The following PPL variants were observed in gnomAD, a reference collection of about 807,000 sequenced individuals.
PPL encodes the protein 190 kDa paraneoplastic pemphigus antigen.
A neutral mutation model predicts 194.4 loss-of-function variants in PPL; 198 were observed. That is an observed-to-expected ratio of 1.02 (90% CI 0.91 to 1.15). The LOEUF (loss-of-function observed/expected upper bound fraction) is 1.15. PPL is among the 50% of genes most tolerant of loss of function. The pLI is 0.00. For synonymous variants in PPL, 1,220 were observed against 972.4 expected (o/e 1.25, Z -4.74); for missense variants, 2,885 against 2,294.8 (o/e 1.26, Z -5.25).
At position 4,884,964 on chromosome 16, in the gene PPL, C is replaced by G; in HGVS notation, c.3691G>C (p.Val1231Leu). The G allele has an allele frequency of 6.2e-7, 1 of 1,614,152 alleles. No individual in the cohort carries two copies. The highest frequency in any genetic ancestry group is 8.5e-7 in the Non-Finnish European group (1 of 1,180,018). Residue 1231 changes from valine (V) to leucine (L), a missense_variant, in exon 22 of 22, where the codon GTG (valine) becomes CTG (leucine). By Grantham distance (32) the Val-to-Leu change is conservative. Coordinates refer to ENST00000345988, the MANE Select transcript of PPL (RefSeq NM_002705.5). This position sits in a 1 kb window ranked among gnomAD's most constrained non-coding sequence, Gnocchi z 5.7. ...TTGTACTTAATGACTTCCTTAGTCA[C>G]CTCTTTGACTTCCACCTGGGGGCCT... is the stretch of plus-strand genomic sequence containing the variant. ...RRGPQVEVKEVTKEVIKYKTD... is the reference protein window; with the variant it reads ...RRGPQVEVKELTKEVIKYKTD...
chr16:4,889,228 TTTTGTTG>T (rs779388639), intron 18 of PPL, among the ~76,000 whole-genome samples, 167 bp from the exon 19 acceptor site: 7 of 92,142 alleles, frequency 7.6e-5, no homozygotes, highest in African/African-American at 1.3e-4. Context: ...AAGGCAGTTT[TTTTGTTG>T]TTGTTGTTTT....
At chr16:4,929,918 C>A (rs1433404511) in intron 1 of PPL, among the ~76,000 whole-genome samples, 1 of 151,810 alleles carries the variant, frequency 6.6e-6, no homozygotes, top group African/African-American at 2.4e-5. Flanking sequence ...CAACTCCTGG[C>A]CTCAAGTCAT....
At position 4,902,463 on chromosome 16, in the gene PPL, C is replaced by T. The variant is rs1366908942; in HGVS notation, c.381G>A (p.Leu127=). The T allele has an allele frequency of 1.2e-6, 2 of 1,614,124 alleles. No homozygotes were observed. Among genetic ancestry groups the T allele is most frequent in the Non-Finnish European group, 1.7e-6 (2 of 1,179,976 alleles). ...CCTGTGGATCCACTTCCTTCACCGC[C>T]AGCCTGTAGATCTGCTTGTGTTTCC... ...LRGKHKQIYR[L]AVKEVDPQVN... The change falls in exon 4 of 22, where the codon CTG becomes CTA. Residue 127 remains leucine (L), a synonymous_variant. Transcript: ENST00000345988. This position sits in a 1 kb window ranked among gnomAD's most constrained non-coding sequence, Gnocchi z 4.0.
rs1187876757 is a variant in PPL, at chr16:4,885,564, C to T, written c.3091G>A (p.Val1031Met). ...RRQKGAREAEVLLLQQRVAAL... is the reference protein window; with the variant it reads ...RRQKGAREAEMLLLQQRVAAL... The stretch of plus-strand genomic sequence containing the variant: ...GCCACACGCTGCTGCAGGAGGAGCA[C>T]CTCTGCCTCCCGGGCGCCCTTCTGC... Residue 1031 changes from valine to methionine, a missense_variant, in exon 22 of 22, where the codon GTG becomes ATG. By Grantham distance (21) the Val-to-Met change is conservative (BLOSUM62 1). Transcript: ENST00000345988. The surrounding 1 kb of genome is among the most constrained non-coding windows in gnomAD (Gnocchi z 6.3). 3 of 1,610,678 alleles carry T rather than the reference C, an allele frequency of 1.9e-6. No individual in the cohort carries two copies. The highest frequency in any genetic ancestry group is 2.5e-6 in the Non-Finnish European group (3 of 1,179,912).
chr16:4,909,989 C>A (rs564215587), intron 2 of PPL, among the ~76,000 whole-genome samples: 141 of 152,316 alleles, frequency 9.3e-4, no homozygotes, highest in Middle Eastern at 6.8e-3. Flanking sequence ...GACTCATCAT[C>A]CCAGCCCCTT....
chr16:4,895,258 C>T lies in PPL; in HGVS notation c.1242+3G>A. The T allele has an allele frequency of 6.2e-7, 1 of 1,601,026 alleles. No individual in the cohort carries two copies. The highest frequency in any genetic ancestry group is 8.5e-7 in the Non-Finnish European group (1 of 1,173,116). ...TGTGAACAGAGGAGCTGGCCCCACG[C>T]ACCTGCTCCCCCTCAAAGTCACAGA... On this transcript the variant is annotated splice_donor_region_variant and intron_variant, in intron 11 of 21. Coordinates refer to ENST00000345988, the MANE Select transcript of PPL (RefSeq NM_002705.5).
Position 4,893,622 on chromosome 16 carries a change from G to A in PPL, c.1411C>T (p.Arg471Trp), listed in dbSNP as rs371677156. Residue 471 changes from arginine to tryptophan, a missense_variant, in exon 13 of 22, where the codon CGG becomes TGG. Arg to Trp is a moderately radical substitution (Grantham distance 101). Transcript: ENST00000345988. ...ALADSLGSQY[R>W]SVRQKAAGSK... ...CCAGCTGCCTTCTGCCGCACGCTCCGGTACTGGCTGCCCAGGCTGTGAGGA... is the reference window on the plus strand; with the variant it reads ...CCAGCTGCCTTCTGCCGCACGCTCCAGTACTGGCTGCCCAGGCTGTGAGGA... The A allele has an allele frequency of 6.7e-5, 107 of 1,596,046 alleles. No homozygotes were observed. Among genetic ancestry groups the A allele is most frequent in the Non-Finnish European group, 8.0e-5 (94 of 1,173,884 alleles).
Position 4,883,033 on chromosome 16 carries a change from C to T in PPL, c.*351G>A, listed in dbSNP as rs926124809. 7.7e-5 allele frequency: 22 copies of T among 286,154 alleles called. No individual in the cohort carries two copies. The highest frequency in any genetic ancestry group is 4.5e-4 in the African/African-American group (20 of 44,232). 17.7% of individuals were successfully genotyped at this position (286,154 alleles called of 1,614,324 possible). On this transcript the variant is annotated 3_prime_UTR_variant, in exon 22 of 22. Coordinates refer to ENST00000345988, the MANE Select transcript of PPL (RefSeq NM_002705.5). This position sits in a 1 kb window ranked among gnomAD's most constrained non-coding sequence, Gnocchi z 4.8. The stretch of plus-strand genomic sequence containing the variant: ...CAGTACCCATGCTGCAAGGAGTGGG[C>T]TTGGCTGCTGTGGTTGGCTTGTCCT...
chr16:4,911,269 C>G (rs2088815712), intron 1 of PPL, among the ~76,000 whole-genome samples: 1 of 140,580 alleles, frequency 7.1e-6, no homozygotes, highest in South Asian at 2.3e-4. Flanking sequence ...TCAAATGATT[C>G]TCATGCCTCA....
intron 1 of PPL, 121 bp downstream of exon 1, chr16:4,936,863 T>C: frequency 2.0e-6 from 2 of 1,007,968 alleles, no homozygotes; most frequent in Middle Eastern, 2.6e-4. Context: ...CACTCCGGGT[T>C]CAGTTCCCGG....
chr16:4,893,700 C>A, intron 12 of PPL, 62 bp from the exon 13 acceptor site: 1 of 1,399,376 alleles, frequency 7.1e-7, no homozygotes, highest in Non-Finnish European at 9.7e-7. Context: ...CCCACAGAGG[C>A]GGGACTGCGG....
chr16:4,932,597 T>C (rs1169524590), intron 1 of PPL, among the ~76,000 whole-genome samples: 1 of 152,058 alleles, frequency 6.6e-6, no homozygotes, highest in Non-Finnish European at 1.5e-5. Context: ...ATATTTATTT[T>C]TGTAGAGATG....
chr16:4,888,884 T>C (rs1278605976), intron 19 of PPL, 94 bp downstream of exon 19: 12 of 1,259,592 alleles, frequency 9.5e-6, no homozygotes, highest in Non-Finnish European at 1.4e-5. Flanking sequence ...TCCACCCCCA[T>C]GTGCCAGGGC....
In PPL at chr16:4,888,277, T is replaced by C. The variant is rs575013439; in HGVS notation, c.2398-59A>G. On this transcript the variant is annotated intron_variant, in intron 19 of 21. Coordinates refer to ENST00000345988, the MANE Select transcript of PPL (RefSeq NM_002705.5). ...TAAAACAGCTGAGAAGAGACAGACA[T>C]GTTCCTGTACCCCTTCAGGCTGACC... 82 of 1,281,962 alleles carry C rather than the reference T, an allele frequency of 6.4e-5. No homozygotes were observed. The African/African-American group carries it at 1.1e-3, about 17-fold the overall frequency. 79.4% of individuals were successfully genotyped at this position (1,281,962 alleles called of 1,614,324 possible). A position where few individuals can be genotyped will look rare whatever the true frequency, so the allele number is the denominator to read the frequency against.
At chr16:4,893,896 T>C (rs2660245) in intron 12 of PPL, 530,976 of 542,658 alleles carry the variant, frequency 0.98, 260,695 homozygotes, top group East Asian at 1. Flanking sequence ...AAGATGTTAC[T>C]TCTGAGGGAG....
rs2088186478 is a variant in PPL at position 4,884,981 on chromosome 16, TG to T, written c.3673del (p.Gln1225ArgfsTer7). On this transcript the variant is annotated frameshift_variant, in exon 22 of 22. Coordinates refer to ENST00000345988, the MANE Select transcript of PPL (RefSeq NM_002705.5). LOFTEE classifies it high-confidence loss of function. The surrounding 1 kb of genome is among the most constrained non-coding windows in gnomAD (Gnocchi z 5.7). ...CTTAGTCACCTCTTTGACTTCCACC[TG>T]GGGGCCTCGCCTCCTGAGGGCCTCC... ...ELEALRRRGP[Q>X]VEVKEVTKEV... 50 of 1,614,110 alleles carry T rather than the reference TG, an allele frequency of 3.1e-5. No individual in the cohort carries two copies. Among genetic ancestry groups the T allele is most frequent in the Non-Finnish European group, 4.2e-5 (49 of 1,180,020 alleles).
Position 4,887,219 on chromosome 16 carries a change from T to A in PPL, c.2523A>T (p.Ala841=), listed in dbSNP as rs1483529268. 2 of 1,613,442 alleles carry A rather than the reference T, an allele frequency of 1.2e-6. No homozygotes were observed. Among genetic ancestry groups the A allele is most frequent in the Non-Finnish European group, 1.7e-6 (2 of 1,179,484 alleles). The stretch of plus-strand genomic sequence containing the variant: ...AAACTTCAGTGAACTTGGCGGCAAG[T>A]GCTGCTTCCTGCAGAGAAGAGGATT... The part of the protein sequence containing the change: ...PATKVKEEEA[A]LAAKFTEVYA... The change falls in exon 21 of 22, where the codon GCA becomes GCT. Residue 841 remains alanine, a synonymous_variant. Transcript: ENST00000345988.
At chr16:4,918,292 C>CAAAA (rs145927654) in intron 1 of PPL, among the ~76,000 whole-genome samples, 1 of 138,430 alleles carries the variant, frequency 7.2e-6, no homozygotes. Context: ...GACTCCATTT[C>CAAAA]AAAAAAAAAA....
chr16:4,883,362 C>T lies in PPL; in HGVS notation c.*22G>A, dbSNP rs760433061. On this transcript the variant is annotated 3_prime_UTR_variant, in exon 22 of 22. Transcript: ENST00000345988. The surrounding 1 kb of genome is among the most constrained non-coding windows in gnomAD (Gnocchi z 4.8). ...AGGAGAGGGCCAGCGTCTGCCGTTA[C>T]GAAGAGTTGCAAGAGCTGTGCCTAC... is the stretch of plus-strand genomic sequence containing the variant. 20 of 1,612,696 alleles carry T rather than the reference C, an allele frequency of 1.2e-5. No individual in the cohort carries two copies. Among genetic ancestry groups the T allele is most frequent in the Middle Eastern group, 1.7e-4 (1 of 5,762 alleles).
Sources: allele counts gnomAD v4.1 joint callset (sites outside exome capture counted in the v4.1 genomes callset), GRCh38; gene constraint gnomAD v4.1.1; non-coding constraint Gnocchi (gnomAD v3.1); transcripts MANE v1.5; gene names NCBI Gene and HGNC (gene_info 2026-07-23, HGNC 2026-07-21).